Variants in HOXC4 observed in about 807,000 individuals in gnomAD.
HOXC4 encodes the protein homeobox C4.
Under a neutral mutation model 25.5 loss-of-function variants are expected in HOXC4, and 15 were observed. The observed-to-expected ratio is 0.59, with a 90% CI of 0.39 to 0.91. The LOEUF (loss-of-function observed/expected upper bound fraction) is 0.91. Among genes scored for constraint, HOXC4 ranks in the 40% least tolerant of loss-of-function variants. The pLI, the probability that HOXC4 is intolerant of heterozygous loss-of-function variation, is 0.00. For missense variants in HOXC4, 342 were observed against 352.4 expected (o/e 0.97, Z 0.24); for synonymous variants, 165 against 148.0 (o/e 1.11, Z -0.83).
intron 1 of HOXC4, chr12:54,033,976 C>T (rs1565746100): frequency 1.8e-6 from 1 of 571,252 alleles, no homozygotes; most frequent in Non-Finnish European, 3.3e-6. Flanking sequence ...GGGGGGTCCC[C>T]GGTGCTCGGA....
At chr12:54,028,891 C>T (rs80157375) in intron 1 of HOXC4, 40 of 1,612,454 alleles carry the variant, frequency 2.5e-5, no homozygotes, top group Non-Finnish European at 3.3e-5. Flanking sequence ...CCAGATTTAC[C>T]CCTGGATGCA....
chr12:54,033,287 C>T (rs1419491641), intron 1 of HOXC4: 2 of 1,614,192 alleles, frequency 1.2e-6, no homozygotes, highest in Admixed American at 3.3e-5. Flanking sequence ...CTGCGCCTTC[C>T]AACTCTCTCC....
intron 1 of HOXC4, among the ~76,000 whole-genome samples, chr12:54,027,650 C>A (rs1221569659): frequency 1.3e-5 from 2 of 151,878 alleles, no homozygotes; most frequent in African/African-American, 4.8e-5. Context: ...ATTTTTTATA[C>A]ATTTTCCCTT....
intron 1 of HOXC4, chr12:54,029,600 C>G (rs749797582): frequency 1.3e-6 from 2 of 1,560,234 alleles, no homozygotes; most frequent in African/African-American, 2.7e-5. Flanking sequence ...GCGAAACAGT[C>G]TGCAGAGGAC....
chr12:54,028,127 A>C (rs1161451479), intron 1 of HOXC4, among the ~76,000 whole-genome samples: 2 of 152,150 alleles, frequency 1.3e-5, no homozygotes, highest in Non-Finnish European at 2.9e-5. Context: ...CTCTGGCCAC[A>C]GCACAGCAAA....
chr12:54,033,952 C>G (rs1457071847), intron 1 of HOXC4: 2 of 397,958 alleles, frequency 5.0e-6, no homozygotes, highest in African/African-American at 2.2e-5. Context: ...TCCAGCGACT[C>G]GGGAGGGGCG....
intron 1 of HOXC4, chr12:54,033,280 C>T (rs1417948861): frequency 6.2e-7 from 1 of 1,614,228 alleles, no homozygotes; most frequent in Non-Finnish European, 8.5e-7. Context: ...CCACCGCCTG[C>T]GCCTTCCAAC....
In HOXC4 at chr12:54,053,962, G is replaced by T. The variant is rs370651700; in HGVS notation, c.40G>T (p.Asp14Tyr). The stretch of plus-strand genomic sequence containing the variant: ...GTATTTGATGGACTCTAACTACATC[G>T]ATCCGAAATTTCCTCCATGCGAAGA... ...SSYLMDSNYI[D>Y]PKFPPCEEYS... is the part of the protein sequence containing the mutation. Residue 14 changes from aspartate (D) to tyrosine (Y), a missense_variant, in exon 1 of 2, where the codon GAT becomes TAT. By Grantham distance (160) the Asp-to-Tyr change is radical. Transcript: ENST00000430889. The T allele has an allele frequency of 3.1e-6, 5 of 1,613,708 alleles. No individual in the cohort carries two copies. In the Admixed American group the frequency reaches 6.7e-5, roughly 22 times the overall value.
intron 1 of HOXC4, among the ~76,000 whole-genome samples, chr12:54,038,350 G>C (rs563316066): frequency 1.9e-4 from 29 of 152,302 alleles, no homozygotes; most frequent in Admixed American, 1.6e-3. Context: ...AAGGGTGTTT[G>C]GTGTCTGTAC....
rs34720266 is a variant in HOXC4 at position 54,033,359 on chromosome 12, G to A, written c.-124+15945G>A. On this transcript the variant is annotated intron_variant, in intron 1 of 3. Coordinates refer to the HOXC4 transcript ENST00000303406. ...CCGACCGCCCCGCCTGCAGCGCCGC[G>A]GCCGCTCCGGGACACGCTCCGGGCA... 1.5e-3 allele frequency: 2,395 copies of A among 1,612,726 alleles called. 37 individuals carry two copies. The African/African-American group carries it at 0.029, about 19-fold the overall frequency.
upstream of HOXC4, among the ~76,000 whole-genome samples, chr12:54,049,755 C>G (rs1388547880): frequency 1.4e-5 from 1 of 73,906 alleles, no homozygotes. Context: ...CATACACACA[C>G]ACACACACAC....
chr12:54,049,535 C>T (rs1447215502), upstream of HOXC4, among the ~76,000 whole-genome samples: 1 of 101,764 alleles, frequency 9.8e-6, no homozygotes, highest in Non-Finnish European at 2.0e-5. Flanking sequence ...AATTAACATT[C>T]CATGATTGCT....
intron 1 of HOXC4, chr12:54,032,997 T>C (rs1375890968): frequency 1.4e-6 from 1 of 727,212 alleles, no homozygotes; most frequent in Non-Finnish European, 2.2e-6. Context: ...GCGCATAGGA[T>C]AAAGAAAGAG....
intron 1 of HOXC4, chr12:54,032,925 C>A: frequency 1.8e-6 from 1 of 542,002 alleles, no homozygotes; most frequent in Non-Finnish European, 3.2e-6. Context: ...GTCATCAAGC[C>A]AAATTTATGA....
In HOXC4 at chr12:54,054,086, C is replaced by A; in HGVS notation, c.164C>A (p.Pro55Gln). The change falls in exon 1 of 2, where the codon CCA becomes CAA. Residue 55 changes from proline to glutamine, a missense_variant. Physicochemically the swap from Pro to Gln is moderately conservative, Grantham distance 76 (BLOSUM62 -1). Transcript: ENST00000430889. ...FQHHHQELYP[P>Q]PPPRPSYPER... ...CATCACCACCAGGAGCTGTACCCACCACCGCCTCCGCGCCCTAGCTACCCT... is the reference window on the plus strand; with the variant it reads ...CATCACCACCAGGAGCTGTACCCACAACCGCCTCCGCGCCCTAGCTACCCT... 1 of 1,614,212 alleles carries A rather than the reference C, an allele frequency of 6.2e-7. No homozygotes were observed. The highest frequency in any genetic ancestry group is 1.1e-5 in the South Asian group (1 of 91,078).
At chr12:54,029,987 T>C in intron 1 of HOXC4, 4 of 1,487,066 alleles carry the variant, frequency 2.7e-6, no homozygotes, top group Admixed American at 2.5e-5. Context: ...GCCACCCCTC[T>C]CTCCCTTTCT....
intron 1 of HOXC4, chr12:54,020,268 G>T (rs1940374551): frequency 6.6e-6 from 1 of 152,258 alleles, no homozygotes; most frequent in Non-Finnish European, 1.5e-5. Context: ...TGAATCTGTG[G>T]GTCAGGGCCT....
At chr12:54,047,386 G>C (rs1937739908) in intron 1 of HOXC4, among the ~76,000 whole-genome samples, 1 of 152,244 alleles carries the variant, frequency 6.6e-6, no homozygotes, top group Non-Finnish European at 1.5e-5. Flanking sequence ...CCCGAGCACC[G>C]CGGCAGGACC....
upstream of HOXC4, among the ~76,000 whole-genome samples, chr12:54,049,274 G>T (rs1409728036): frequency 6.6e-6 from 1 of 152,216 alleles, no homozygotes; most frequent in African/African-American, 2.4e-5. Context: ...AATTTCAATG[G>T]AGTTTCCCCA....
Sources: gnomAD v4.1 joint callset for allele counts (sites outside exome capture counted in the v4.1 genomes callset) on GRCh38, gnomAD v4.1.1 for gene constraint, MANE v1.5 for transcripts, NCBI Gene and HGNC (gene_info 2026-07-23, HGNC 2026-07-21) for gene names.